Variants in DOCK4 observed in about 807,000 individuals in gnomAD.
DOCK4 encodes dedicator of cytokinesis 4.
In DOCK4, 97 loss-of-function variants were observed where a neutral mutation model predicts 268.1. The observed-to-expected ratio is 0.36, with a 90% confidence interval of 0.31 to 0.43. DOCK4 has a LOEUF of 0.43. Among genes scored for constraint, DOCK4 ranks in the 20% least tolerant of loss-of-function variants. The pLI is 1.00. For synonymous variants in DOCK4, 954 were observed against 887.2 expected, an observed-to-expected ratio of 1.08 and a Z score of -1.34; for missense variants, 2,145 against 2,455.7, an observed-to-expected ratio of 0.87 and a Z score of 2.67.
intron 1 of DOCK4, among the ~76,000 whole-genome samples, chr7:112,006,037 C>A (rs1021917589): frequency 6.6e-6 from 1 of 152,180 alleles, no homozygotes; most frequent in African/African-American, 2.4e-5. Context: ...TTCTCCACAC[C>A]TTCTTTCTTA....
intron 12 of DOCK4, among the ~76,000 whole-genome samples, chr7:111,916,980 G>GTT (rs749349556): frequency 0.039 from 3,262 of 83,826 alleles, 641 homozygotes; most frequent in African/African-American, 0.12. Flanking sequence ...TTTCCCCCAT[G>GTT]TTTTTTTTTT....
intron 1 of DOCK4, among the ~76,000 whole-genome samples, chr7:112,075,179 G>A (rs1386174994): frequency 6.6e-6 from 1 of 152,186 alleles, no homozygotes; most frequent in Admixed American, 6.5e-5. Flanking sequence ...AGACACTGAA[G>A]ACCTAATAGT....
intron 12 of DOCK4, among the ~76,000 whole-genome samples, chr7:111,922,152 C>T (rs1793193156): frequency 6.6e-6 from 1 of 152,150 alleles, no homozygotes; most frequent in African/African-American, 2.4e-5. Context: ...GAACAAGTGA[C>T]AAATTCTGAA....
At chr7:112,039,721 C>CAA (rs1007342321) in intron 1 of DOCK4, among the ~76,000 whole-genome samples, 5 of 148,892 alleles carry the variant, frequency 3.4e-5, no homozygotes, top group African/African-American at 1.2e-4. Flanking sequence ...GAGTTTTTCT[C>CAA]AAAAAAAAAA....
At chr7:111,960,762 G>T (rs998300475) in intron 8 of DOCK4, among the ~76,000 whole-genome samples, 1 of 151,808 alleles carries the variant, frequency 6.6e-6, no homozygotes, top group Admixed American at 6.6e-5. Flanking sequence ...CACTCCACAT[G>T]CAGTGAGATC....
At chr7:112,144,680 T>C (rs577720252) in intron 1 of DOCK4, among the ~76,000 whole-genome samples, 23 of 152,318 alleles carry the variant, frequency 1.5e-4, no homozygotes, top group African/African-American at 5.5e-4. Flanking sequence ...CTAACACTCA[T>C]TTACCCAGAT....
At chr7:111,892,195 A>G (rs1404334108) in intron 16 of DOCK4, among the ~76,000 whole-genome samples, 1 of 151,954 alleles carries the variant, frequency 6.6e-6, no homozygotes, top group Non-Finnish European at 1.5e-5. Flanking sequence ...GTACAGATTG[A>G]TTATTGATTG....
intron 1 of DOCK4, among the ~76,000 whole-genome samples, chr7:112,188,132 G>T (rs1032582727): frequency 6.6e-5 from 10 of 152,158 alleles, no homozygotes. Flanking sequence ...TTGCCCAAGG[G>T]CTTCAAGATA....
At chr7:112,021,483 A>C (rs1358933298) in intron 1 of DOCK4, among the ~76,000 whole-genome samples, 1 of 152,226 alleles carries the variant, frequency 6.6e-6, no homozygotes, top group Non-Finnish European at 1.5e-5. Flanking sequence ...TCTACACATA[A>C]AGTGGAATAA....
In DOCK4 at chr7:111,735,139, G is replaced by A. The variant is rs763040540; in HGVS notation, c.5334C>T (p.Ser1778=). 19 of 1,595,098 alleles carry A rather than the reference G, an allele frequency of 1.2e-5. No individual in the cohort carries two copies. In the East Asian group the frequency reaches 4.1e-4, roughly 34 times the overall value. The change falls in exon 51 of 53, where the codon AGC becomes AGT. Residue 1778 remains serine (S), a synonymous_variant. Transcript: ENST00000428084. ...KAVNPTPSSW[S]LDSGKEAKNM... is the part of the protein sequence containing the mutation. ...TCTTGGCTTCCTTCCCACTGTCCAG[G>A]CTCCAGCTGCTAGGGGTGGGGTTCA... is the stretch of plus-strand genomic sequence containing the variant.
chr7:111,739,728 A>G, intron 47 of DOCK4: 1 of 493,302 alleles, frequency 2.0e-6, no homozygotes, highest in Non-Finnish European at 3.7e-6. Flanking sequence ...CGTACCAGTT[A>G]GCAGTGCATT....
At chr7:112,014,431 A>T (rs1447179758) in intron 1 of DOCK4, among the ~76,000 whole-genome samples, 2 of 152,210 alleles carry the variant, frequency 1.3e-5, no homozygotes, top group Admixed American at 6.5e-5. Context: ...ATTGTTCAGC[A>T]AATACCACAA....
intron 1 of DOCK4, among the ~76,000 whole-genome samples, chr7:112,156,744 T>TA (rs1434400428): frequency 6.6e-6 from 1 of 152,162 alleles, no homozygotes; most frequent in East Asian, 1.9e-4. Context: ...CTATAAAGAC[T>TA]ATTAAAAAAC....
At chr7:111,969,678 G>GAAA (rs57980511) in intron 8 of DOCK4, among the ~76,000 whole-genome samples, 3,458 of 143,970 alleles carry the variant, frequency 0.024, 146 homozygotes, top group African/African-American at 0.083. Context: ...AGTTGAACCA[G>GAAA]AAAAAAAAAA....
intron 13 of DOCK4, among the ~76,000 whole-genome samples, chr7:111,903,249 A>AAT (rs752014655): frequency 3.8e-4 from 58 of 152,212 alleles, no homozygotes; most frequent in Non-Finnish European, 6.0e-4. Context: ...TAGGCTGACA[A>AAT]GGATACAGGT....
intron 21 of DOCK4, among the ~76,000 whole-genome samples, chr7:111,868,717 A>T (rs370367929): frequency 8.6e-5 from 13 of 151,550 alleles, no homozygotes; most frequent in East Asian, 1.9e-4. Flanking sequence ...TCTAAAAAAA[A>T]AATTAAAAAA....
intron 1 of DOCK4, among the ~76,000 whole-genome samples, chr7:112,097,701 C>T (rs780303826): frequency 6.6e-6 from 1 of 152,190 alleles, no homozygotes; most frequent in Non-Finnish European, 1.5e-5. Context: ...AATGACCACA[C>T]AGGTGTGTGT....
chr7:111,783,245 T>C (rs1295077429), intron 34 of DOCK4, among the ~76,000 whole-genome samples: 2 of 152,160 alleles, frequency 1.3e-5, no homozygotes, highest in African/African-American at 4.8e-5. Flanking sequence ...GAAAATGTGT[T>C]ATTGTACACT....
intron 30 of DOCK4, 76 bp from the exon 31 acceptor site, chr7:111,790,681 G>A: frequency 7.1e-7 from 1 of 1,414,790 alleles, no homozygotes; most frequent in East Asian, 2.6e-5. Flanking sequence ...CATAAAATTT[G>A]TTTAAAACTA....
Sources: gnomAD v4.1 joint callset for allele counts (sites outside exome capture counted in the v4.1 genomes callset) on GRCh38, gnomAD v4.1.1 for gene constraint, MANE v1.5 for transcripts, NCBI Gene and HGNC (gene_info 2026-07-23, HGNC 2026-07-21) for gene names.